The following AGBL4 variants were observed in gnomAD, a reference collection of about 807,000 sequenced individuals.
The protein encoded by AGBL4 is cytosolic carboxypeptidase 6.
A neutral mutation model predicts 66.4 loss-of-function variants in AGBL4; 58 were observed. The observed-to-expected ratio is 0.87, with a 90% CI of 0.71 to 1.09. AGBL4 has a LOEUF of 1.09. Ranked by LOEUF, AGBL4 falls within the 50% of genes least tolerant of loss-of-function variation. The pLI, the probability that AGBL4 is intolerant of heterozygous loss-of-function variation, is 0.00. For missense variants in AGBL4, 579 were observed against 631.0 expected, an observed-to-expected ratio of 0.92 and a Z score of 0.88; for synonymous variants, 234 against 222.9, an observed-to-expected ratio of 1.05 and a Z score of -0.44.
At chr1:49,285,249 A>G (rs1225151365) in intron 3 of AGBL4, among the ~76,000 whole-genome samples, 1 of 152,214 alleles carries the variant, frequency 6.6e-6, no homozygotes, top group African/African-American at 2.4e-5. Context: ...TGGAAACTGA[A>G]CAACCTGCTC....
chr1:49,363,586 A>G (rs1195104742), intron 3 of AGBL4, among the ~76,000 whole-genome samples: 1 of 152,196 alleles, frequency 6.6e-6, no homozygotes, highest in African/African-American at 2.4e-5. Context: ...GAAGATTGCC[A>G]CTAGGGGGGA....
At chr1:48,951,765 T>C (rs1657005293) in intron 5 of AGBL4, among the ~76,000 whole-genome samples, 1 of 152,226 alleles carries the variant, frequency 6.6e-6, no homozygotes, top group Non-Finnish European at 1.5e-5. Context: ...TGGTATTTTA[T>C]GATAGCAGCC....
chr1:48,833,037 G>C (rs538956758), intron 6 of AGBL4, among the ~76,000 whole-genome samples: 5 of 152,260 alleles, frequency 3.3e-5, no homozygotes, highest in African/African-American at 9.6e-5. Flanking sequence ...CTAATCATGT[G>C]AGCCAATTAC....
intron 3 of AGBL4, among the ~76,000 whole-genome samples, chr1:49,342,557 T>A (rs917979802): frequency 6.6e-6 from 1 of 152,206 alleles, no homozygotes; most frequent in Non-Finnish European, 1.5e-5. Context: ...TTGCAGTTCA[T>A]GTCACAGTTA....
rs371144438 is a variant in AGBL4, at chr1:49,435,375, C to G, written c.283-189511G>C. Among the ~76,000 whole-genome samples the G allele has an allele frequency of 3.3e-5, 5 of 152,132 alleles. No homozygotes were observed. In the East Asian group the frequency reaches 5.8e-4, roughly 18 times the overall value. On this transcript the variant is annotated intron_variant, in intron 3 of 13. Transcript: ENST00000371839. Reference sequence around the variant, plus strand: ...AACCAGTAGATAAGAGCTGTAAGAGCAGAGATTTATATTTTTTTCCATGGA... The same window carrying G: ...AACCAGTAGATAAGAGCTGTAAGAGGAGAGATTTATATTTTTTTCCATGGA...
At chr1:49,298,372 G>T (rs184136144) in intron 3 of AGBL4, among the ~76,000 whole-genome samples, 3 of 152,338 alleles carry the variant, frequency 2.0e-5, no homozygotes, top group Admixed American at 6.5e-5. Flanking sequence ...GATGGTTTCA[G>T]TGCCCAGCTA....
intron 4 of AGBL4, among the ~76,000 whole-genome samples, chr1:49,122,621 G>A (rs560349864): frequency 2.0e-5 from 3 of 152,234 alleles, no homozygotes; most frequent in African/African-American, 7.2e-5. Context: ...TAAAAGCTCT[G>A]GAATCCAAGC....
chr1:49,431,477 G>A (rs1369809564), intron 3 of AGBL4, among the ~76,000 whole-genome samples: 2 of 152,162 alleles, frequency 1.3e-5, no homozygotes, highest in East Asian at 3.9e-4. Context: ...ATGTGTCAGT[G>A]GAAAGACAAA....
At chr1:48,759,652 G>T (rs1644149816) in intron 6 of AGBL4, among the ~76,000 whole-genome samples, 1 of 152,196 alleles carries the variant, frequency 6.6e-6, no homozygotes, top group Non-Finnish European at 1.5e-5. Context: ...GCTCATGGGG[G>T]TGTTCAATAT....
chr1:48,992,446 C>G (rs1005283918), intron 5 of AGBL4, among the ~76,000 whole-genome samples: 8 of 152,092 alleles, frequency 5.3e-5, no homozygotes, highest in African/African-American at 1.2e-4. Context: ...CAGTATAGCA[C>G]TGCGTCTTGC....
intron 3 of AGBL4, among the ~76,000 whole-genome samples, chr1:49,588,360 T>C (rs116211640): frequency 1.4e-4 from 22 of 152,332 alleles, no homozygotes; most frequent in Non-Finnish European, 2.8e-4. Flanking sequence ...GGACAGAGAC[T>C]GAATCCGTCT....
rs1646479543 is a variant in AGBL4, at chr1:49,858,156, C to T, written c.35-6638G>A. ...AATCATCAAGGAAAGGCACACCAAA[C>T]CACAATGAGATACCATCTCACCCCA... On this transcript the variant is annotated intron_variant, in intron 1 of 13. Coordinates refer to ENST00000371839, the MANE Select transcript of AGBL4 (RefSeq NM_032785.4). Among the ~76,000 whole-genome samples, 4 of 151,960 alleles carry T rather than the reference C, an allele frequency of 2.6e-5. No individual in the cohort carries two copies. The South Asian group carries it at 8.3e-4, about 31-fold the overall frequency.
At chr1:49,239,661 A>G (rs1651057338) in intron 4 of AGBL4, among the ~76,000 whole-genome samples, 1 of 152,250 alleles carries the variant, frequency 6.6e-6, no homozygotes, top group East Asian at 1.9e-4. Context: ...GAAAATGTAA[A>G]ATTAAAAATA....
chr1:49,613,747 T>C (rs1645199357), intron 3 of AGBL4, among the ~76,000 whole-genome samples: 1 of 152,170 alleles, frequency 6.6e-6, no homozygotes, highest in Non-Finnish European at 1.5e-5. Flanking sequence ...GTGAGCTGCA[T>C]AATTATTTCA....
intron 6 of AGBL4, among the ~76,000 whole-genome samples, chr1:48,856,180 C>G (rs956079630): frequency 6.6e-6 from 1 of 152,066 alleles, no homozygotes; most frequent in Non-Finnish European, 1.5e-5. Context: ...AAAATTTGTA[C>G]AATGAGCATG....
intron 1 of AGBL4, among the ~76,000 whole-genome samples, chr1:49,904,766 G>A (rs1346361998): frequency 2.0e-5 from 3 of 152,162 alleles, no homozygotes; most frequent in African/African-American, 7.2e-5. Context: ...ACTTTGTACT[G>A]TGAAAAACTT....
intron 3 of AGBL4, among the ~76,000 whole-genome samples, chr1:49,650,576 C>T (rs1160454399): frequency 6.6e-6 from 1 of 152,184 alleles, no homozygotes; most frequent in Non-Finnish European, 1.5e-5. Flanking sequence ...GGCCATTGCT[C>T]TTCCTGGGGA....
chr1:48,934,029 C>T (rs1021680721), intron 5 of AGBL4, among the ~76,000 whole-genome samples: 8 of 152,130 alleles, frequency 5.3e-5, no homozygotes, highest in Admixed American at 1.3e-4. Context: ...GCTGTTTTGA[C>T]GAGGTAGCCT....
At chr1:48,672,664 C>T (rs1453666319) in intron 6 of AGBL4, among the ~76,000 whole-genome samples, 1 of 152,182 alleles carries the variant, frequency 6.6e-6, no homozygotes, top group Non-Finnish European at 1.5e-5. Context: ...AACCTGTTTT[C>T]CATCCTTAAA....
Sources: gnomAD v4.1 joint callset for allele counts (sites outside exome capture counted in the v4.1 genomes callset) on GRCh38, gnomAD v4.1.1 for gene constraint, MANE v1.5 for transcripts, NCBI Gene and HGNC (gene_info 2026-07-23, HGNC 2026-07-21) for gene names.